Variants in ARHGAP15 observed in about 807,000 individuals in gnomAD.
ARHGAP15 encodes rho GTPase-activating protein 15.
ARHGAP15 carries 51 observed loss-of-function variants against 63.7 expected under a neutral mutation model. The ratio of observed to expected loss-of-function variants is 0.80; its 90% CI spans 0.64 to 1.01. The LOEUF (loss-of-function observed/expected upper bound fraction) is 1.01, where lower values mean the gene tolerates loss of function less well. Ranked by LOEUF, ARHGAP15 falls within the 50% of genes least tolerant of loss-of-function variation. The pLI, the probability that ARHGAP15 is intolerant of heterozygous loss-of-function variation, is 0.00. For missense variants in ARHGAP15, 560 were observed against 564.6 expected, an observed-to-expected ratio of 0.99 and a Z score of 0.08; for synonymous variants, 191 against 193.8, an observed-to-expected ratio of 0.99 and a Z score of 0.12.
At chr2:143,530,438 T>C (rs538086296) in intron 10 of ARHGAP15, among the ~76,000 whole-genome samples, 41 of 152,292 alleles carry the variant, frequency 2.7e-4, no homozygotes, top group African/African-American at 9.9e-4. Flanking sequence ...TAATGTTAAA[T>C]TGTTTCATAA....
At chr2:143,239,630 G>C (rs554631591) in intron 5 of ARHGAP15, among the ~76,000 whole-genome samples, 1 of 152,100 alleles carries the variant, frequency 6.6e-6, no homozygotes, top group Non-Finnish European at 1.5e-5. Context: ...AACATAAAAG[G>C]CCTCATTAAA....
At chr2:143,515,915 A>G (rs751081250) in intron 9 of ARHGAP15, among the ~76,000 whole-genome samples, 2 of 152,168 alleles carry the variant, frequency 1.3e-5, no homozygotes, top group Non-Finnish European at 2.9e-5. Flanking sequence ...TCCTCGGCAT[A>G]CCCCAGTCTT....
intron 6 of ARHGAP15, among the ~76,000 whole-genome samples, chr2:143,370,628 C>T (rs114815753): frequency 2.7e-3 from 408 of 152,264 alleles, no homozygotes; most frequent in African/African-American, 9.2e-3. Flanking sequence ...ACATCTTCTA[C>T]ATCGTTTCTA....
At chr2:143,540,125 C>A (rs1694976459) in intron 10 of ARHGAP15, among the ~76,000 whole-genome samples, 1 of 152,058 alleles carries the variant, frequency 6.6e-6, no homozygotes, top group African/African-American at 2.4e-5. Context: ...ATCCCTTTAC[C>A]ATTATGTAAT....
intron 9 of ARHGAP15, among the ~76,000 whole-genome samples, chr2:143,491,821 A>G (rs1394464583): frequency 1.3e-5 from 2 of 152,092 alleles, no homozygotes; most frequent in Non-Finnish European, 2.9e-5. Flanking sequence ...TTAGGTTTCT[A>G]CTGCAATAGG....
intron 12 of ARHGAP15, among the ~76,000 whole-genome samples, chr2:143,673,165 T>C (rs1682615420): frequency 6.6e-6 from 1 of 152,330 alleles, no homozygotes; most frequent in South Asian, 2.1e-4. Flanking sequence ...ATTCTTACTT[T>C]ACAACATATA....
chr2:143,697,173 T>G (rs1683887146), intron 12 of ARHGAP15, among the ~76,000 whole-genome samples: 1 of 152,134 alleles, frequency 6.6e-6, no homozygotes, highest in South Asian at 2.1e-4. Flanking sequence ...TTGACAGCAT[T>G]CCATATATTT....
Position 143,476,628 on chromosome 2 carries a change from G to A in ARHGAP15, c.704-10745G>A, listed in dbSNP as rs374989485. Reference sequence around the variant, plus strand: ...ATACTTAAAATAGTTTCTTTCAGGAGTAGAAACCATGAGAGTCACAGGGTC... The same window carrying A: ...ATACTTAAAATAGTTTCTTTCAGGAATAGAAACCATGAGAGTCACAGGGTC... On this transcript the variant is annotated intron_variant, in intron 8 of 13. Coordinates refer to ENST00000295095, the MANE Select transcript of ARHGAP15 (RefSeq NM_018460.4). Among the ~76,000 whole-genome samples, 41 of 152,260 alleles carry A rather than the reference G, an allele frequency of 2.7e-4. 2 individuals carry two copies. In the South Asian group the frequency reaches 7.7e-3, roughly 29 times the overall value.
chr2:143,226,491 C>T (rs1693218760), intron 4 of ARHGAP15, among the ~76,000 whole-genome samples: 1 of 152,122 alleles, frequency 6.6e-6, no homozygotes, highest in Non-Finnish European at 1.5e-5. Flanking sequence ...TTAAAAGATG[C>T]CCAGACTAGA....
intron 10 of ARHGAP15, among the ~76,000 whole-genome samples, chr2:143,542,666 A>G (rs1186257019): frequency 7.0e-6 from 1 of 143,844 alleles, no homozygotes; most frequent in Non-Finnish European, 1.5e-5. Context: ...TATTATATAT[A>G]TGATATATAT....
intron 6 of ARHGAP15, among the ~76,000 whole-genome samples, chr2:143,400,166 T>A (rs1289007732): frequency 2.0e-5 from 3 of 152,052 alleles, no homozygotes; most frequent in Non-Finnish European, 4.4e-5. Flanking sequence ...GATTTCAGTG[T>A]TATATTTTTT....
intron 13 of ARHGAP15, among the ~76,000 whole-genome samples, chr2:143,718,218 A>G (rs552935918): frequency 2.0e-5 from 3 of 152,348 alleles, no homozygotes; most frequent in African/African-American, 7.2e-5. Flanking sequence ...AATCTCAGCC[A>G]TAAATAATAT....
intron 4 of ARHGAP15, among the ~76,000 whole-genome samples, chr2:143,221,749 G>A (rs1028703533): frequency 6.6e-6 from 1 of 152,096 alleles, no homozygotes; most frequent in Admixed American, 6.5e-5. Flanking sequence ...ACAATATAGA[G>A]TCACATTCTT....
chr2:143,408,001 A>G (rs1236885527), intron 6 of ARHGAP15, among the ~76,000 whole-genome samples: 90 of 68,944 alleles, frequency 1.3e-3, no homozygotes, highest in East Asian at 6.2e-3. Flanking sequence ...ATATATATAT[A>G]TATATATATA....
chr2:143,642,781 T>C (rs954352642), intron 12 of ARHGAP15, among the ~76,000 whole-genome samples: 1 of 152,076 alleles, frequency 6.6e-6, no homozygotes, highest in African/African-American at 2.4e-5. Context: ...TAAGAGTATA[T>C]GGAGTTTGGA....
chr2:143,282,015 G>A (rs888824413), intron 6 of ARHGAP15, among the ~76,000 whole-genome samples: 7 of 152,024 alleles, frequency 4.6e-5, no homozygotes, highest in African/African-American at 1.7e-4. Flanking sequence ...GTACTCATAA[G>A]TTTTTTCTTT....
At chr2:143,377,334 T>G (rs1232713432) in intron 6 of ARHGAP15, among the ~76,000 whole-genome samples, 1 of 151,972 alleles carries the variant, frequency 6.6e-6, no homozygotes, top group Non-Finnish European at 1.5e-5. Flanking sequence ...AATTGAAGAA[T>G]AAAAAATTGC....
intron 10 of ARHGAP15, among the ~76,000 whole-genome samples, chr2:143,542,105 G>A (rs374171846): frequency 4.4e-4 from 67 of 152,284 alleles, no homozygotes; most frequent in Middle Eastern, 3.4e-3. Flanking sequence ...CCTCGCTGCC[G>A]CCTTGCAGTT....
chr2:143,539,428 G>A (rs12987239), intron 10 of ARHGAP15, among the ~76,000 whole-genome samples: 7 of 151,556 alleles, frequency 4.6e-5, no homozygotes, highest in African/African-American at 1.2e-4. Flanking sequence ...CTAGCTTTTG[G>A]ATGTGTTTGC....
Sources: gnomAD v4.1 joint callset for allele counts (sites outside exome capture counted in the v4.1 genomes callset) on GRCh38, gnomAD v4.1.1 for gene constraint, MANE v1.5 for transcripts, NCBI Gene and HGNC (gene_info 2026-07-23, HGNC 2026-07-21) for gene names.